EIF4E1B: variants seen among roughly 807,000 people sequenced by gnomAD.
The protein encoded by EIF4E1B is eukaryotic translation initiation factor 4E family member 1B, also known as eukaryotic translation initiation factor 4E type 1B.
In EIF4E1B, 22 loss-of-function variants were observed where a neutral mutation model predicts 31.3. That is an observed-to-expected ratio of 0.70 (90% CI 0.50 to 1.00). The LOEUF is 1.00. EIF4E1B is among the 50% of genes least tolerant of loss of function. The pLI is 0.00. For missense variants in EIF4E1B, 290 were observed against 311.6 expected (o/e 0.93, Z 0.52); for synonymous variants, 126 against 120.2 (o/e 1.05, Z -0.31).
intron 1 of EIF4E1B, among the ~76,000 whole-genome samples, chr5:176,632,723 C>T (rs553341196): frequency 2.0e-5 from 3 of 152,298 alleles, no homozygotes; most frequent in East Asian, 3.9e-4. Context: ...TAAGAACTAG[C>T]ATGGAGGGTA....
intron 1 of EIF4E1B, among the ~76,000 whole-genome samples, chr5:176,637,721 T>C (rs1760517074): frequency 6.6e-6 from 1 of 152,104 alleles, no homozygotes; most frequent in South Asian, 2.1e-4. Context: ...CCACTGTGGC[T>C]GCAGCAGAGG....
chr5:176,639,060 C>G (rs1760537907), intron 1 of EIF4E1B, among the ~76,000 whole-genome samples: 1 of 152,210 alleles, frequency 6.6e-6, no homozygotes, highest in African/African-American at 2.4e-5. Context: ...CTCGGCCTCC[C>G]AAAGTGCTGG....
At chr5:176,634,842 G>A (rs1179471038) in intron 1 of EIF4E1B, among the ~76,000 whole-genome samples, 1 of 151,688 alleles carries the variant, frequency 6.6e-6, no homozygotes, top group African/African-American at 2.4e-5. Flanking sequence ...GCTAATTTTT[G>A]TATTTTTAGT....
rs972035996 is a variant in EIF4E1B at position 176,646,335 on chromosome 5, A to G, written c.*355A>G. 4.4e-6 allele frequency: 1 copy of G among 225,654 alleles called. No homozygotes were observed. Among genetic ancestry groups the G allele is most frequent in the African/African-American group, 2.2e-5 (1 of 45,164 alleles). The allele number at this position is 225,654 out of a possible 1,614,324, so 14.0% of individuals were successfully genotyped here. A position where few individuals can be genotyped will look rare whatever the true frequency, so the allele number is the denominator to read the frequency against. On this transcript the variant is annotated 3_prime_UTR_variant, in exon 9 of 9. Coordinates refer to ENST00000318682, the MANE Select transcript of EIF4E1B (RefSeq NM_001099408.2). ...CAGGAAGGAGGTGAGGTGGCCTGAG[A>G]GACAGACTCTTCCATGGGTGGTGGG...
chr5:176,644,002 C>T, intron 5 of EIF4E1B: 1 of 563,864 alleles, frequency 1.8e-6, no homozygotes, highest in South Asian at 2.3e-5. Context: ...AGTTCCTTCC[C>T]CTCTCTGAAC....
intron 3 of EIF4E1B, 47 bp downstream of exon 3, chr5:176,642,849 T>TCCCCCCC (rs745905318): frequency 2.5e-6 from 3 of 1,181,916 alleles, no homozygotes; most frequent in East Asian, 4.0e-5. Flanking sequence ...GGCCCCGCCC[T>TCCCCCCC]CTCCCCCCCC....
Position 176,645,588 on chromosome 5 carries a change from G to T in EIF4E1B, c.614+72G>T, listed in dbSNP as rs1390511146. ...AGGGAAGGTGGGTGGAGGGGGCTTG[G>T]CCTGCATGGGAGACCTCTGAAAGTC... is the stretch of plus-strand genomic sequence containing the variant. On this transcript the variant is annotated intron_variant, in intron 8 of 8. Transcript: ENST00000318682. The surrounding 1 kb of genome is among the most constrained non-coding windows in gnomAD (Gnocchi z 5.4). The T allele has an allele frequency of 4.8e-6, 7 of 1,459,324 alleles. No homozygotes were observed. The highest frequency in any genetic ancestry group is 6.3e-6 in the Non-Finnish European group (7 of 1,105,504). The allele number at this position is 1,459,324 out of a possible 1,614,324, so 90.4% of individuals were successfully genotyped here.
intron 6 of EIF4E1B, 29 bp downstream of exon 6, chr5:176,644,468 G>A (rs538483081): frequency 1.1e-5 from 17 of 1,576,072 alleles, no homozygotes; most frequent in East Asian, 2.3e-5. Context: ...TTTCCCTCCC[G>A]CAAAGGGACA....
At position 176,646,034 on chromosome 5, in the gene EIF4E1B, T is replaced by C; in HGVS notation, c.*54T>C. On this transcript the variant is annotated 3_prime_UTR_variant, in exon 9 of 9. Coordinates refer to ENST00000318682, the MANE Select transcript of EIF4E1B (RefSeq NM_001099408.2). ...TGGGACAGCCGCCACTGAGCCTCAT[T>C]ACTTTGGGGGATGGGGCGGGACTGG... The C allele has an allele frequency of 6.8e-7, 1 of 1,471,724 alleles. No individual in the cohort carries two copies. Among genetic ancestry groups the C allele is most frequent in the Non-Finnish European group, 9.3e-7 (1 of 1,075,002 alleles). The allele number at this position is 1,471,724 out of a possible 1,614,324, so 91.2% of individuals were successfully genotyped here.
intron 1 of EIF4E1B, among the ~76,000 whole-genome samples, chr5:176,636,390 C>T (rs1353283808): frequency 6.6e-6 from 1 of 152,244 alleles, no homozygotes; most frequent in African/African-American, 2.4e-5. Context: ...TCTTCCTCTC[C>T]CCTTCCTAGG....
chr5:176,636,654 G>T (rs1760497681), intron 1 of EIF4E1B, among the ~76,000 whole-genome samples: 1 of 152,204 alleles, frequency 6.6e-6, no homozygotes, highest in African/African-American at 2.4e-5. Context: ...TGCAGGGCAG[G>T]CAGGACGGGA....
Position 176,645,970 on chromosome 5 carries a change from T to A in EIF4E1B, c.719T>A (p.Phe240Tyr), listed in dbSNP as rs1219914553. The A allele has an allele frequency of 6.2e-7, 1 of 1,604,238 alleles. No individual in the cohort carries two copies. ...AGCAACTCCCTAGCCAAGAACAAGTTTGTGGTGTGAGGGGGGCCTTGGCAC... is the reference window on the plus strand; with the variant it reads ...AGCAACTCCCTAGCCAAGAACAAGTATGTGGTGTGAGGGGGGCCTTGGCAC... ...TKSNSLAKNK[F>Y]VV Residue 240 changes from phenylalanine (F) to tyrosine (Y), a missense_variant, in exon 9 of 9, where the codon TTT becomes TAT. Transcript: ENST00000318682. This position sits in a 1 kb window ranked among gnomAD's most constrained non-coding sequence, Gnocchi z 5.4.
chr5:176,643,739 GTGTC>G lies in EIF4E1B; in HGVS notation c.296+10_296+13del. ...CACTGTGGAGGACTTCTGGGCGTGA[GTGTC>G]TGTCCCCAGTGGGGCTAGAGTTGGG... On this transcript the variant is annotated splice_donor_region_variant and intron_variant, in intron 5 of 8. Transcript: ENST00000318682. The G allele has an allele frequency of 6.2e-7, 1 of 1,610,914 alleles. No homozygotes were observed. Among genetic ancestry groups the G allele is most frequent in the Non-Finnish European group, 8.5e-7 (1 of 1,178,588 alleles).
chr5:176,631,151 A>T (rs1387773389), intron 1 of EIF4E1B, 87 bp downstream of exon 1: 2 of 152,372 alleles, frequency 1.3e-5, no homozygotes, highest in Non-Finnish European at 2.9e-5. Context: ...CTCTACCAGC[A>T]GGTGAATTGT....
chr5:176,646,028 C>A lies in EIF4E1B; in HGVS notation c.*48C>A. 1 of 1,503,478 alleles carries A rather than the reference C, an allele frequency of 6.7e-7. No individual in the cohort carries two copies. Among genetic ancestry groups the A allele is most frequent in the Non-Finnish European group, 9.1e-7 (1 of 1,103,060 alleles). The allele number at this position is 1,503,478 out of a possible 1,614,324, so 93.1% of individuals were successfully genotyped here. A position where few individuals can be genotyped will look rare whatever the true frequency, so the allele number is the denominator to read the frequency against. Reference sequence around the variant, plus strand: ...ATGTAATGGGACAGCCGCCACTGAGCCTCATTACTTTGGGGGATGGGGCGG... The same window carrying A: ...ATGTAATGGGACAGCCGCCACTGAGACTCATTACTTTGGGGGATGGGGCGG... On this transcript the variant is annotated 3_prime_UTR_variant, in exon 9 of 9. Transcript: ENST00000318682.
At position 176,645,051 on chromosome 5, in the gene EIF4E1B, G is replaced by A. The variant is rs950520815; in HGVS notation, c.361-79G>A. ...CCTACTTAGGGCCTCAGCAGAGAGCGGATAAGGCCGGGATGGTGGGTGGGT... is the reference window on the plus strand; with the variant it reads ...CCTACTTAGGGCCTCAGCAGAGAGCAGATAAGGCCGGGATGGTGGGTGGGT... On this transcript the variant is annotated intron_variant, in intron 6 of 8. Transcript: ENST00000318682. This position sits in a 1 kb window ranked among gnomAD's most constrained non-coding sequence, Gnocchi z 5.4. 29 of 1,287,236 alleles carry A rather than the reference G, an allele frequency of 2.3e-5. No individual in the cohort carries two copies. Among genetic ancestry groups the A allele is most frequent in the East Asian group, 7.6e-5 (3 of 39,372 alleles). The allele number at this position is 1,287,236 out of a possible 1,614,324, so 79.7% of individuals were successfully genotyped here.
At chr5:176,640,700 TC>T (rs1431780993) in intron 1 of EIF4E1B, among the ~76,000 whole-genome samples, 1 of 152,126 alleles carries the variant, frequency 6.6e-6, no homozygotes, top group Non-Finnish European at 1.5e-5. Context: ...TCTGATTGCC[TC>T]CCCAGCCAGT....
intron 1 of EIF4E1B, 77 bp downstream of exon 1, chr5:176,631,141 C>T (rs1005124333): frequency 1.3e-5 from 2 of 152,302 alleles, no homozygotes. Context: ...CAGGGAAGGC[C>T]TCTACCAGCA....
chr5:176,644,598 C>A, intron 6 of EIF4E1B, 159 bp downstream of exon 6: 1 of 834,708 alleles, frequency 1.2e-6, no homozygotes, highest in Non-Finnish European at 1.8e-6. Context: ...TCTACAGGAG[C>A]CCGGACAGAG....
Sources: gnomAD v4.1 joint callset for allele counts (sites outside exome capture counted in the v4.1 genomes callset) on GRCh38, gnomAD v4.1.1 for gene constraint, Gnocchi (gnomAD v3.1) non-coding constraint, MANE v1.5 for transcripts, NCBI Gene and HGNC (gene_info 2026-07-23, HGNC 2026-07-21) for gene names.